Variants in TRAF2 observed in about 807,000 individuals in gnomAD.
TRAF2 encodes the protein TNF receptor associated factor 2.
Under a neutral mutation model 55.6 loss-of-function variants are expected in TRAF2, and 6 were observed. The ratio of observed to expected loss-of-function variants is 0.11; its 90% confidence interval spans 0.06 to 0.21. TRAF2 has a LOEUF of 0.21. Among genes scored for constraint, TRAF2 ranks in the 10% least tolerant of loss-of-function variants. The probability of loss-of-function intolerance (pLI) is 1.00; values close to 1 mark genes in which losing one functional copy is unlikely to be tolerated. For missense variants in TRAF2, 561 were observed against 684.5 expected, an observed-to-expected ratio of 0.82 and a Z score of 2.01; for synonymous variants, 329 against 276.3, an observed-to-expected ratio of 1.19 and a Z score of -1.89.
At chr9:136,907,933 T>C in intron 4 of TRAF2, 137 bp from the exon 5 acceptor site, 2 of 1,058,750 alleles carry the variant, frequency 1.9e-6, no homozygotes, top group Non-Finnish European at 2.7e-6. Flanking sequence ...CCCTGAGAGC[T>C]ATCTGCAGAG....
At chr9:136,884,132 GA>G, upstream of TRAF2, among the ~76,000 whole-genome samples, 1 of 151,810 alleles carries the variant, frequency 6.6e-6, no homozygotes, top group Non-Finnish European at 1.5e-5. Flanking sequence ...TTTTTTAGTA[GA>G]GACGAGGTTT....
intron 1 of TRAF2, among the ~76,000 whole-genome samples, chr9:136,893,415 G>A (rs887531808): frequency 2.6e-5 from 4 of 152,232 alleles, no homozygotes; most frequent in Non-Finnish European, 4.4e-5. Context: ...TGACAGTCTC[G>A]TCACAGTTTC....
chr9:136,898,171 C>G (rs1385613325), intron 1 of TRAF2, among the ~76,000 whole-genome samples: 1 of 152,134 alleles, frequency 6.6e-6, no homozygotes, highest in Non-Finnish European at 1.5e-5. Flanking sequence ...GTGCTACATT[C>G]CCGCTCTAGG....
At chr9:136,916,140 T>C (rs764326824) in intron 6 of TRAF2, among the ~76,000 whole-genome samples, 8 of 152,222 alleles carry the variant, frequency 5.3e-5, no homozygotes, top group Non-Finnish European at 8.8e-5. Context: ...TTTTGCTTCA[T>C]GTCGTGTCTG....
upstream of TRAF2, chr9:136,882,855 T>C (rs555229715): frequency 3.7e-5 from 18 of 491,278 alleles, no homozygotes; most frequent in Non-Finnish European, 4.8e-5. Flanking sequence ...CAACTTGCTA[T>C]GCCTTACAGG....
Position 136,920,513 on chromosome 9 carries a change from A to G in TRAF2, c.958A>G (p.Lys320Glu), listed in dbSNP as rs1374976647. 6 of 1,608,108 alleles carry G rather than the reference A, an allele frequency of 3.7e-6. No individual in the cohort carries two copies. Among genetic ancestry groups the G allele is most frequent in the African/African-American group, 1.3e-5 (1 of 74,782 alleles). The change falls in exon 8 of 11, where the codon AAG becomes GAG. Residue 320 changes from lysine to glutamate, a missense_variant and splice_region_variant. Lys to Glu is a moderately conservative substitution (Grantham distance 56). This residue lies in a region of TRAF2 where 426 missense variants were observed against 476.8 expected (regional missense o/e 0.89). Coordinates refer to ENST00000247668, the MANE Select transcript of TRAF2 (RefSeq NM_021138.4). ...AGACAAGATTGAAGCCCTGAGTAGC[A>G]AGGTTTGTGCCTGCCGGGTGGCCAG... ...DQDKIEALSS[K>E]VQQLERSIGL...
chr9:136,926,496 G>C lies in TRAF2; in HGVS notation c.*595G>C. ...GCTGTGGGAGAGGGTCTGGTCCCAC[G>C]CCGCCTCTGCTCAGACCACTGTGTG... On this transcript the variant is annotated 3_prime_UTR_variant, in exon 11 of 11. Coordinates refer to ENST00000247668, the MANE Select transcript of TRAF2 (RefSeq NM_021138.4). The C allele has an allele frequency of 4.4e-6, 1 of 226,744 alleles. No homozygotes were observed. The highest frequency in any genetic ancestry group is 1.0e-4 in the East Asian group (1 of 9,948). The allele number at this position is 226,744 out of a possible 1,614,324, so 14.0% of individuals were successfully genotyped here. A position where few individuals can be genotyped will look rare whatever the true frequency, so the allele number is the denominator to read the frequency against.
chr9:136,901,116 G>A (rs920091392), intron 4 of TRAF2, among the ~76,000 whole-genome samples: 4 of 152,340 alleles, frequency 2.6e-5, no homozygotes, highest in South Asian at 4.1e-4. Flanking sequence ...TGGGCGAGCC[G>A]TGCACGCCTT....
At position 136,925,378 on chromosome 9, in the gene TRAF2, AATAATT is replaced by A. The variant is rs17244285; in HGVS notation, c.1288-304_1288-299del. On this transcript the variant is annotated intron_variant, in intron 10 of 10. Coordinates refer to ENST00000247668, the MANE Select transcript of TRAF2 (RefSeq NM_021138.4). ...GTGTTATTTTTTGCATTTTCCTAAT[AATAATT>A]CAAGTTCAGGAGTGGTAAGCTTTAG... is the stretch of plus-strand genomic sequence containing the variant. Among the ~76,000 whole-genome samples the A allele has an allele frequency of 3.8e-3, 586 of 152,346 alleles. 4 individuals carry two copies. Among genetic ancestry groups the A allele is most frequent in the African/African-American group, 0.014 (574 of 41,574 alleles).
At chr9:136,919,789 C>T (rs1850340605) in intron 7 of TRAF2, among the ~76,000 whole-genome samples, 2 of 151,806 alleles carry the variant, frequency 1.3e-5, no homozygotes, top group Non-Finnish European at 2.9e-5. Flanking sequence ...GATCTCGGCT[C>T]ACTGCAGCGT....
chr9:136,907,132 G>A (rs17250372), intron 4 of TRAF2, among the ~76,000 whole-genome samples: 123 of 152,330 alleles, frequency 8.1e-4, no homozygotes, highest in African/African-American at 2.7e-3. Context: ...AGCTGGCACC[G>A]CCTCCCTTCC....
chr9:136,924,886 G>C (rs528218748), intron 10 of TRAF2, among the ~76,000 whole-genome samples: 5 of 152,068 alleles, frequency 3.3e-5, no homozygotes, highest in East Asian at 2.0e-4. Flanking sequence ...CTACAGGCAT[G>C]CACCACCACG....
At position 136,909,964 on chromosome 9, in the gene TRAF2, C is replaced by T. The variant is rs1686751495; in HGVS notation, c.573C>T (p.Gly191=). 6.2e-7 allele frequency: 1 copy of T among 1,613,986 alleles called. No individual in the cohort carries two copies. The highest frequency in any genetic ancestry group is 1.7e-5 in the Admixed American group (1 of 60,002). The change falls in exon 6 of 11, where the codon GGC becomes GGT. Residue 191 remains glycine (G), a synonymous_variant. Transcript: ENST00000247668. ...CCAAGTTCCCCTTAACTTGTGACGG[C>T]TGCGGCAAGAAGAAGATCCCCCGGG... ...VCPKFPLTCD[G]CGKKKIPREK... is the part of the protein sequence containing the mutation.
At chr9:136,882,867 C>A, upstream of TRAF2, 1 of 393,634 alleles carries the variant, frequency 2.5e-6, no homozygotes, top group Non-Finnish European at 3.5e-6. Flanking sequence ...CCTTACAGGC[C>A]TGTCATCACA....
chr9:136,920,284 C>G lies in TRAF2; in HGVS notation c.729C>G (p.His243Gln). Residue 243 changes from histidine to glutamine, a missense_variant, in exon 8 of 11, where the codon CAC becomes CAG. Transcript: ENST00000247668. Reference sequence around the variant, plus strand: ...ACGAGGTGCAGTGGCTGCGGGAGCACCTGGCCATGCTACTGAGCTCGGTGC... The same window carrying G: ...ACGAGGTGCAGTGGCTGCGGGAGCAGCTGGCCATGCTACTGAGCTCGGTGC... Reference protein sequence around the residue: ...QEHEVQWLREHLAMLLSSVLE... With the variant: ...QEHEVQWLREQLAMLLSSVLE... 1.2e-6 allele frequency: 2 copies of G among 1,613,596 alleles called. No homozygotes were observed. Among genetic ancestry groups the G allele is most frequent in the Non-Finnish European group, 1.7e-6 (2 of 1,179,988 alleles).
intron 9 of TRAF2, among the ~76,000 whole-genome samples, chr9:136,922,773 CGGG>C (rs199668815): frequency 3.4e-5 from 1 of 29,060 alleles, no homozygotes; most frequent in African/African-American, 1.5e-4. Flanking sequence ...AGGACTAGGA[CGGG>C]GGGAGGATGG....
At chr9:136,899,138 G>A (rs1183837442) in intron 2 of TRAF2, among the ~76,000 whole-genome samples, 3 of 152,202 alleles carry the variant, frequency 2.0e-5, no homozygotes, top group Non-Finnish European at 4.4e-5. Flanking sequence ...TGGATACATG[G>A]GGTTAAATAT....
At chr9:136,916,712 C>T in intron 7 of TRAF2, 97 bp downstream of exon 7, 1 of 1,179,428 alleles carries the variant, frequency 8.5e-7, no homozygotes, top group South Asian at 1.2e-5. Context: ...TCCAGCTGCT[C>T]CTCAGCCACC....
At chr9:136,903,978 A>G (rs988321608) in intron 4 of TRAF2, among the ~76,000 whole-genome samples, 12 of 151,946 alleles carry the variant, frequency 7.9e-5, no homozygotes, top group African/African-American at 2.9e-4. Context: ...CACCGCGCCC[A>G]GCCAAGAAAG....
Sources: allele counts gnomAD v4.1 joint callset (sites outside exome capture counted in the v4.1 genomes callset), GRCh38; gene constraint gnomAD v4.1.1; regional missense constraint gnomAD v4.1.1; transcripts MANE v1.5; gene names NCBI Gene and HGNC (gene_info 2026-07-23, HGNC 2026-07-21).